The following SMAD2 variants were observed in gnomAD, a reference collection of about 807,000 sequenced individuals.
SMAD2 encodes the protein MAD homolog 2.
Under a neutral mutation model 64.4 loss-of-function variants are expected in SMAD2, and 8 were observed. That is an observed-to-expected ratio of 0.12 (90% CI 0.07 to 0.22). The LOEUF (loss-of-function observed/expected upper bound fraction) is 0.22, where lower values mean the gene tolerates loss of function less well. SMAD2 is among the 10% of genes least tolerant of loss of function. The pLI, the probability that SMAD2 is intolerant of heterozygous loss-of-function variation, is 1.00. For missense variants in SMAD2, 289 were observed against 561.2 expected, an observed-to-expected ratio of 0.51 and a Z score of 4.90; for synonymous variants, 203 against 195.8, an observed-to-expected ratio of 1.04 and a Z score of -0.31.
intron 1 of SMAD2, among the ~76,000 whole-genome samples, chr18:47,929,092 A>G (rs1282176716): frequency 6.6e-6 from 1 of 152,186 alleles, no homozygotes; most frequent in East Asian, 1.9e-4. Context: ...TCCGAAGGCA[A>G]ATTTTTTAAA....
Position 47,829,718 on chromosome 18 carries a change from T to C in SMAD2, c.*12109A>G, listed in dbSNP as rs751563698. ...AATAAAAACTGCACCGTATGACATG[T>C]CACATAGAAATTGTTAGAGACTTTG... On this transcript the variant is annotated 3_prime_UTR_variant, in exon 11 of 11. Coordinates refer to ENST00000262160, the MANE Select transcript of SMAD2 (RefSeq NM_005901.6). 6 of 152,222 alleles carry C rather than the reference T, an allele frequency of 3.9e-5. No individual in the cohort carries two copies. The highest frequency in any genetic ancestry group is 6.5e-5 in the Admixed American group (1 of 15,286). 9.4% of individuals were successfully genotyped at this position (152,222 alleles called of 1,614,324 possible). A position where few individuals can be genotyped will look rare whatever the true frequency, so the allele number is the denominator to read the frequency against.
At chr18:47,903,266 T>G (rs2033760862) in intron 1 of SMAD2, among the ~76,000 whole-genome samples, 1 of 151,916 alleles carries the variant, frequency 6.6e-6, no homozygotes, top group African/African-American at 2.4e-5. Context: ...AGTAGCGAAC[T>G]TGAAGACAGG....
intron 1 of SMAD2, among the ~76,000 whole-genome samples, chr18:47,924,999 TACCAGTGGTTC>T (rs1441283089): frequency 1.3e-5 from 2 of 152,224 alleles, no homozygotes; most frequent in Non-Finnish European, 2.9e-5. Flanking sequence ...ACAGATGGAA[TACCAGTGGTTC>T]ACCCAAGATT....
At position 47,816,271 on chromosome 18, in the gene SMAD2, TG is replaced by T. The variant is rs1568012783; in HGVS notation, c.*25555del. On this transcript the variant is annotated 3_prime_UTR_variant, in exon 11 of 11. Coordinates refer to ENST00000262160, the MANE Select transcript of SMAD2 (RefSeq NM_005901.6). ...TATTGTTCAGAAGTTTTAGGTCTTA[TG>T]AAAAAAAGATTTTTATAAATTATAC... 6 of 152,142 alleles carry T rather than the reference TG, an allele frequency of 3.9e-5. No individual in the cohort carries two copies. Among genetic ancestry groups the T allele is most frequent in the South Asian group, 4.1e-4 (2 of 4,832 alleles). The allele number at this position is 152,142 out of a possible 1,614,324, so 9.4% of individuals were successfully genotyped here. A position where few individuals can be genotyped will look rare whatever the true frequency, so the allele number is the denominator to read the frequency against.
At chr18:47,869,175 A>C in intron 4 of SMAD2, 68 bp downstream of exon 4, 2 of 1,133,140 alleles carry the variant, frequency 1.8e-6, no homozygotes, top group Non-Finnish European at 2.7e-6. Context: ...GGGTCACAAG[A>C]GTACTTAAAT....
chr18:47,868,502 G>A (rs768402836), intron 4 of SMAD2, 45 bp from the exon 5 acceptor site: 2 of 1,561,574 alleles, frequency 1.3e-6, no homozygotes, highest in Non-Finnish European at 1.8e-6. Context: ...AGAGCAAAGG[G>A]GAGTGGGGGA....
At chr18:47,863,515 G>A (rs1465343718) in intron 6 of SMAD2, among the ~76,000 whole-genome samples, 3 of 152,110 alleles carry the variant, frequency 2.0e-5, no homozygotes, top group African/African-American at 7.2e-5. Context: ...TTATATTGCT[G>A]AATAGGTGTC....
chr18:47,811,500 T>C lies in SMAD2; in HGVS notation c.*30327A>G, dbSNP rs1391145856. On this transcript the variant is annotated 3_prime_UTR_variant, in exon 11 of 11. Transcript: ENST00000262160. Reference sequence around the variant, plus strand: ...AAAAAAAAAAAAAAAGAAAAAGAAATAAGGTAATTCTGAAATCCACAGCAA... The same window carrying C: ...AAAAAAAAAAAAAAAGAAAAAGAAACAAGGTAATTCTGAAATCCACAGCAA... The C allele has an allele frequency of 7.4e-6, 1 of 134,802 alleles. No individual in the cohort carries two copies. The highest frequency in any genetic ancestry group is 2.8e-5 in the African/African-American group (1 of 36,278). 8.4% of individuals were successfully genotyped at this position (134,802 alleles called of 1,614,324 possible).
At chr18:47,867,962 A>G (rs925292933) in intron 5 of SMAD2, among the ~76,000 whole-genome samples, 1 of 152,226 alleles carries the variant, frequency 6.6e-6, no homozygotes, top group African/African-American at 2.4e-5. Context: ...ATATTCAGTT[A>G]CATGTGTTTG....
chr18:47,850,399 T>C lies in SMAD2; in HGVS notation c.784+875A>G, dbSNP rs1392216671. Among the ~76,000 whole-genome samples the C allele has an allele frequency of 8.5e-4, 20 of 23,566 alleles. 5 individuals carry two copies. The highest frequency in any genetic ancestry group is 1.1e-3 in the Non-Finnish European group (17 of 15,456). The allele number at this position is 23,566 out of a possible 152,430, so 15.5% of individuals were successfully genotyped here. ...TATATATATTATATAATATATATTA[T>C]ATATTATGTATAATATATATAATAT... On this transcript the variant is annotated intron_variant, in intron 7 of 10. Coordinates refer to ENST00000262160, the MANE Select transcript of SMAD2 (RefSeq NM_005901.6).
Position 47,812,013 on chromosome 18 carries a change from T to C in SMAD2, c.*29814A>G, listed in dbSNP as rs1181498987. ...TCTCACACTGCTATAAAGAAATACC[T>C]GAGACTGGGTAATTTATAAAGGAAA... On this transcript the variant is annotated 3_prime_UTR_variant, in exon 11 of 11. Transcript: ENST00000262160. 6.6e-6 allele frequency: 1 copy of C among 152,326 alleles called. No homozygotes were observed. The highest frequency in any genetic ancestry group is 1.9e-4 in the East Asian group (1 of 5,176). The allele number at this position is 152,326 out of a possible 1,614,324, so 9.4% of individuals were successfully genotyped here.
chr18:47,844,342 A>G (rs1914274300), intron 10 of SMAD2, among the ~76,000 whole-genome samples: 1 of 152,232 alleles, frequency 6.6e-6, no homozygotes, highest in Admixed American at 6.5e-5. Context: ...AAGCAGGAAT[A>G]CAATCACTAT....
intron 1 of SMAD2, among the ~76,000 whole-genome samples, chr18:47,910,403 T>G (rs72914324): frequency 6.6e-6 from 1 of 152,232 alleles, no homozygotes; most frequent in Non-Finnish European, 1.5e-5. Flanking sequence ...GTTCTAATTA[T>G]TGAAGGCTGC....
chr18:47,901,310 T>C (rs1234788043), intron 1 of SMAD2, among the ~76,000 whole-genome samples: 1 of 152,216 alleles, frequency 6.6e-6, no homozygotes, highest in Non-Finnish European at 1.5e-5. Flanking sequence ...TTTGCCTGAT[T>C]GGTATAGCCA....
intron 6 of SMAD2, among the ~76,000 whole-genome samples, chr18:47,859,862 A>G (rs2031027264): frequency 6.6e-6 from 1 of 152,228 alleles, no homozygotes; most frequent in Non-Finnish European, 1.5e-5. Context: ...TACTAACATT[A>G]TAAATTTTAA....
chr18:47,849,508 T>C (rs376182885), intron 7 of SMAD2, among the ~76,000 whole-genome samples: 1 of 142,468 alleles, frequency 7.0e-6, no homozygotes, highest in Admixed American at 7.0e-5. Context: ...TATATATATA[T>C]AGTCATCCCT....
At chr18:47,878,272 T>C (rs753062947) in intron 2 of SMAD2, 5 of 152,194 alleles carry the variant, frequency 3.3e-5, no homozygotes, top group Admixed American at 6.5e-5. Context: ...ATCGGTAACA[T>C]AGTAAGTCCA....
At chr18:47,874,100 A>G (rs139691217) in intron 2 of SMAD2, among the ~76,000 whole-genome samples, 9 of 152,354 alleles carry the variant, frequency 5.9e-5, no homozygotes, top group Non-Finnish European at 1.2e-4. Context: ...TAAGATGTCC[A>G]TCTGACCTAA....
chr18:47,901,300 T>C (rs1225118107), intron 1 of SMAD2, among the ~76,000 whole-genome samples: 2 of 152,212 alleles, frequency 1.3e-5, no homozygotes, highest in African/African-American at 4.8e-5. Context: ...TAAAGTCTCC[T>C]TTGCCTGATT....
Sources: allele counts gnomAD v4.1 joint callset (sites outside exome capture counted in the v4.1 genomes callset), GRCh38; gene constraint gnomAD v4.1.1; transcripts MANE v1.5; gene names NCBI Gene and HGNC (gene_info 2026-07-23, HGNC 2026-07-21).